The following BLCAP variants were observed in gnomAD, a reference collection of about 807,000 sequenced individuals.
BLCAP encodes apoptosis inducing factor BLCAP.
BLCAP carries 1 observed loss-of-function variant against 5.7 expected under a neutral mutation model. The observed-to-expected ratio is 0.18, with a 90% CI of 0.06 to 0.83. The LOEUF is 0.83. Ranked by LOEUF, BLCAP falls within the 40% of genes least tolerant of loss-of-function variation. BLCAP has a pLI of 0.71. For synonymous variants in BLCAP, 48 were observed against 49.4 expected, an observed-to-expected ratio of 0.97 and a Z score of 0.11; for missense variants, 66 against 107.6, an observed-to-expected ratio of 0.61 and a Z score of 1.71.
intron 1 of BLCAP, chr20:37,522,598 G>GGGGGGGGGGGC: frequency 2.3e-6 from 2 of 864,416 alleles, no homozygotes; most frequent in Non-Finnish European, 3.4e-6. Flanking sequence ...GCGGGGGTGG[G>GGGGGGGGGGGC]CACGGCAGCA....
In BLCAP at chr20:37,521,706, C is replaced by T; in HGVS notation, c.-176-2356G>A. 1 of 363,048 alleles carries T rather than the reference C, an allele frequency of 2.8e-6. No individual in the cohort carries two copies. Among genetic ancestry groups the T allele is most frequent in the Non-Finnish European group, 5.1e-6 (1 of 195,986 alleles). 22.5% of individuals were successfully genotyped at this position (363,048 alleles called of 1,614,324 possible). ...CCTACGCGGTAAGAAAAACCCGCTACACCCGGACTCGACCCCAGGAGGGAG... is the reference window on the plus strand; with the variant it reads ...CCTACGCGGTAAGAAAAACCCGCTATACCCGGACTCGACCCCAGGAGGGAG... On this transcript the variant is annotated intron_variant, in intron 1 of 1. Coordinates refer to ENST00000373537, the MANE Select transcript of BLCAP (RefSeq NM_006698.4). This position sits in a 1 kb window ranked among gnomAD's most constrained non-coding sequence, Gnocchi z 4.5.
intron 1 of BLCAP, among the ~76,000 whole-genome samples, chr20:37,524,755 G>T (rs1470425284): frequency 6.6e-6 from 1 of 152,078 alleles, no homozygotes; most frequent in Non-Finnish European, 1.5e-5. Flanking sequence ...CCAATCACCA[G>T]CACCTCTAAA....
At chr20:37,526,982 T>C (rs2071733274) in intron 1 of BLCAP, 1 of 152,030 alleles carries the variant, frequency 6.6e-6, no homozygotes, top group African/African-American at 2.4e-5. Flanking sequence ...GGATAGACGA[T>C]CCAAACCTAT....
intron 1 of BLCAP, chr20:37,522,371 G>A: frequency 1.2e-6 from 2 of 1,613,938 alleles, no homozygotes; most frequent in Non-Finnish European, 1.7e-6. Flanking sequence ...TTCCTGGAAT[G>A]CTGCATTTAC....
intron 1 of BLCAP, chr20:37,522,648 C>T (rs1213319181): frequency 6.2e-7 from 1 of 1,603,624 alleles, no homozygotes; most frequent in Non-Finnish European, 8.5e-7. Context: ...AAGGGTGGGT[C>T]CTGGGTTTCT....
At position 37,521,200 on chromosome 20, in the gene BLCAP, G is replaced by A. The variant is rs1820464564; in HGVS notation, c.-176-1850C>T. The A allele has an allele frequency of 4.6e-6, 4 of 871,010 alleles. No individual in the cohort carries two copies. Among genetic ancestry groups the A allele is most frequent in the Non-Finnish European group, 7.6e-6 (4 of 523,942 alleles). 54.0% of individuals were successfully genotyped at this position (871,010 alleles called of 1,614,324 possible). ...TAAACACCCCCCAAGGCGCGCATGC[G>A]CACTTAGGTGGCGGGCGGGTACTTA... is the stretch of plus-strand genomic sequence containing the variant. On this transcript the variant is annotated intron_variant, in intron 1 of 1. Coordinates refer to ENST00000373537, the MANE Select transcript of BLCAP (RefSeq NM_006698.4). The surrounding 1 kb of genome is among the most constrained non-coding windows in gnomAD (Gnocchi z 4.5).
Position 37,521,833 on chromosome 20 carries a change from T to C in BLCAP, c.-176-2483A>G, listed in dbSNP as rs1175176054. On this transcript the variant is annotated intron_variant, in intron 1 of 1. Transcript: ENST00000373537. This position sits in a 1 kb window ranked among gnomAD's most constrained non-coding sequence, Gnocchi z 4.5. The stretch of plus-strand genomic sequence containing the variant: ...GAGAAATTTTATTTAAAAAAACATA[T>C]AGCGCTTGCGGGGGTGGAACAAAAA... 2 of 157,646 alleles carry C rather than the reference T, an allele frequency of 1.3e-5. No individual in the cohort carries two copies. The highest frequency in any genetic ancestry group is 2.7e-5 in the Non-Finnish European group (2 of 73,460). 9.8% of individuals were successfully genotyped at this position (157,646 alleles called of 1,614,324 possible).
chr20:37,518,739 CG>C lies in BLCAP; in HGVS notation c.*171del, dbSNP rs1292736065. On this transcript the variant is annotated 3_prime_UTR_variant, in exon 2 of 2. Coordinates refer to ENST00000373537, the MANE Select transcript of BLCAP (RefSeq NM_006698.4). ...CTATAGGACTTTACAATAAAAGCAC[CG>C]GTCAGTGCCATTATTCACATTGTAA... 1.1e-6 allele frequency: 1 copy of C among 917,778 alleles called. No individual in the cohort carries two copies. Among genetic ancestry groups the C allele is most frequent in the Non-Finnish European group, 1.6e-6 (1 of 619,060 alleles). The allele number at this position is 917,778 out of a possible 1,614,324, so 56.9% of individuals were successfully genotyped here.
At chr20:37,520,365 C>G (rs990137596) in intron 1 of BLCAP, 1 of 152,272 alleles carries the variant, frequency 6.6e-6, no homozygotes, top group Non-Finnish European at 1.5e-5. Context: ...GTAGCGGTAG[C>G]GTAACCCCGT....
At position 37,522,735 on chromosome 20, in the gene BLCAP, GCGCAGGCAGCGAGCC is replaced by G. The variant is rs1355284905; in HGVS notation, c.-176-3400_-176-3386del. On this transcript the variant is annotated intron_variant, in intron 1 of 1. Coordinates refer to ENST00000373537, the MANE Select transcript of BLCAP (RefSeq NM_006698.4). Reference sequence around the variant, plus strand: ...GGACCGGGCGGCAGGTGTTGGGGGAGCGCAGGCAGCGAGCCCCCAACTGAGGCCCCAGCTCCCAGC... The same window carrying G: ...GGACCGGGCGGCAGGTGTTGGGGGAGCCCAACTGAGGCCCCAGCTCCCAGC... The G allele has an allele frequency of 3.1e-6, 5 of 1,608,018 alleles. No homozygotes were observed. The African/African-American group carries it at 6.7e-5, about 21-fold the overall frequency.
At chr20:37,522,402 A>G in intron 1 of BLCAP, 1 of 1,614,020 alleles carries the variant, frequency 6.2e-7, no homozygotes, top group Non-Finnish European at 8.5e-7. Flanking sequence ...TCGCTTTTCG[A>G]AATCCTCCAG....
chr20:37,522,610 C>T (rs1254192728), intron 1 of BLCAP: 2 of 1,526,760 alleles, frequency 1.3e-6, no homozygotes, highest in East Asian at 4.8e-5. Flanking sequence ...ACGGCAGCAC[C>T]ACAGACATGC....
At chr20:37,520,968 G>C (rs990624471) in intron 1 of BLCAP, among the ~76,000 whole-genome samples, 2 of 152,150 alleles carry the variant, frequency 1.3e-5, no homozygotes, top group Non-Finnish European at 1.5e-5. Flanking sequence ...CACACTAAGA[G>C]ACCTGCACCC....
At position 37,518,625 on chromosome 20, in the gene BLCAP, C is replaced by G; in HGVS notation, c.*286G>C. 2.4e-6 allele frequency: 1 copy of G among 420,406 alleles called. No individual in the cohort carries two copies. The highest frequency in any genetic ancestry group is 4.0e-5 in the Admixed American group (1 of 25,190). 26.0% of individuals were successfully genotyped at this position (420,406 alleles called of 1,614,324 possible). ...AGCTGACCAGGATGGACCCAGACTCCTCACAGTAATGAGGCGAGAGGGGTG... is the reference window on the plus strand; with the variant it reads ...AGCTGACCAGGATGGACCCAGACTCGTCACAGTAATGAGGCGAGAGGGGTG... On this transcript the variant is annotated 3_prime_UTR_variant, in exon 2 of 2. Coordinates refer to ENST00000373537, the MANE Select transcript of BLCAP (RefSeq NM_006698.4).
chr20:37,526,749 C>T (rs563471588), intron 1 of BLCAP: 38 of 152,358 alleles, frequency 2.5e-4, no homozygotes, highest in African/African-American at 8.7e-4. Context: ...TGGAAACCGA[C>T]CAGGCTTCCC....
intron 1 of BLCAP, among the ~76,000 whole-genome samples, chr20:37,526,176 G>T (rs1195456628): frequency 1.3e-5 from 2 of 152,058 alleles, no homozygotes; most frequent in African/African-American, 4.8e-5. Context: ...CGGGGAGCAG[G>T]TTTGCTGTGA....
chr20:37,517,865 A>G lies in BLCAP; in HGVS notation c.*1046T>C, dbSNP rs2071434532. 1 of 152,640 alleles carries G rather than the reference A, an allele frequency of 6.6e-6. No individual in the cohort carries two copies. Among genetic ancestry groups the G allele is most frequent in the South Asian group, 2.1e-4 (1 of 4,828 alleles). The allele number at this position is 152,640 out of a possible 1,614,324, so 9.5% of individuals were successfully genotyped here. On this transcript the variant is annotated 3_prime_UTR_variant, in exon 2 of 2. Transcript: ENST00000373537. ...GTGTGCTGGTCACTCTGCAATCCCC[A>G]TGCTAAATAAAAACTGTAGCGGCAC...
chr20:37,525,765 G>A lies in BLCAP; in HGVS notation c.-177+2028C>T, dbSNP rs6125313. On this transcript the variant is annotated intron_variant, in intron 1 of 1. Transcript: ENST00000373537. ...ATTTTATTCTGATAGAGAGCAATGC[G>A]AAGAATTGAAAATGACTAGTGTTTT... Among the ~76,000 whole-genome samples the A allele has an allele frequency of 2.2e-3, 331 of 152,288 alleles. 10 individuals are homozygous for A. The East Asian group carries it at 0.06, about 28-fold the overall frequency.
At chr20:37,523,645 C>T (rs1033030588) in intron 1 of BLCAP, 1 of 152,698 alleles carries the variant, frequency 6.5e-6, no homozygotes, top group East Asian at 1.9e-4. Context: ...TCCCCTGTCT[C>T]GCACAGTGTC....
Sources: allele counts gnomAD v4.1 joint callset (sites outside exome capture counted in the v4.1 genomes callset), GRCh38; gene constraint gnomAD v4.1.1; non-coding constraint Gnocchi (gnomAD v3.1); transcripts MANE v1.5; gene names NCBI Gene and HGNC (gene_info 2026-07-23, HGNC 2026-07-21).